LAMA2: variants seen among roughly 807,000 people sequenced by gnomAD.
The protein encoded by LAMA2 is laminin subunit alpha 2, also known as laminin subunit alpha-2.
LAMA2 carries 269 observed loss-of-function variants against 364.8 expected under a neutral mutation model. The observed-to-expected ratio is 0.74, with a 90% CI of 0.67 to 0.82. LAMA2 has a LOEUF of 0.82. Among genes scored for constraint, LAMA2 ranks in the 40% least tolerant of loss-of-function variants. The probability of loss-of-function intolerance (pLI) is 0.00; values close to 1 mark genes in which losing one functional copy is unlikely to be tolerated. For missense variants in LAMA2, 3,807 were observed against 3,873.2 expected, an observed-to-expected ratio of 0.98 and a Z score of 0.45; for synonymous variants, 1,379 against 1,370.6, an observed-to-expected ratio of 1.01 and a Z score of -0.14.
intron 4 of LAMA2, among the ~76,000 whole-genome samples, chr6:129,105,751 G>T (rs1371543157): frequency 2.0e-5 from 3 of 152,184 alleles, no homozygotes; most frequent in Non-Finnish European, 4.4e-5. Flanking sequence ...CTAGGTTATT[G>T]ATGGTCAAAG....
intron 4 of LAMA2, among the ~76,000 whole-genome samples, chr6:129,105,695 A>T (rs1319390265): frequency 6.6e-6 from 1 of 152,160 alleles, no homozygotes; most frequent in Non-Finnish European, 1.5e-5. Flanking sequence ...TGGTGGACTG[A>T]GTCTCTTGGC....
chr6:129,135,067 AC>A (rs1412557903), intron 4 of LAMA2, among the ~76,000 whole-genome samples: 5 of 152,106 alleles, frequency 3.3e-5, no homozygotes, highest in African/African-American at 1.2e-4. Context: ...TAAAAAGTCT[AC>A]CCCAGGAAGC....
At chr6:129,078,815 C>T (rs1773832955) in intron 3 of LAMA2, among the ~76,000 whole-genome samples, 1 of 152,156 alleles carries the variant, frequency 6.6e-6, no homozygotes, top group Non-Finnish European at 1.5e-5. Context: ...TCCCCCAGTC[C>T]CTGGCAAACA....
At chr6:129,463,999 C>T (rs1237828609) in intron 49 of LAMA2, among the ~76,000 whole-genome samples, 1 of 151,940 alleles carries the variant, frequency 6.6e-6, no homozygotes, top group Non-Finnish European at 1.5e-5. Flanking sequence ...ACCACTAAGA[C>T]ACCCTTAAGC....
At chr6:128,948,717 G>C (rs1231143748) in intron 1 of LAMA2, among the ~76,000 whole-genome samples, 1 of 152,124 alleles carries the variant, frequency 6.6e-6, no homozygotes, top group Non-Finnish European at 1.5e-5. Context: ...GGTGATAAGT[G>C]AGTTCTCCCT....
At chr6:129,087,366 G>C (rs1027979187) in intron 3 of LAMA2, among the ~76,000 whole-genome samples, 3 of 152,086 alleles carry the variant, frequency 2.0e-5, no homozygotes, top group African/African-American at 7.2e-5. Flanking sequence ...TATAACATTG[G>C]GACACACCTT....
intron 1 of LAMA2, among the ~76,000 whole-genome samples, chr6:129,043,719 TAGCAC>T (rs1257702049): frequency 6.8e-6 from 1 of 148,110 alleles, no homozygotes; most frequent in Non-Finnish European, 1.5e-5. Context: ...TCATGAATAA[TAGCAC>T]ATTGTAGAAA....
chr6:129,228,220 C>T (rs1042674297), intron 12 of LAMA2, among the ~76,000 whole-genome samples: 4 of 152,118 alleles, frequency 2.6e-5, no homozygotes, highest in Non-Finnish European at 4.4e-5. Context: ...TTTCCAGGTG[C>T]CGTCTGTCAC....
intron 30 of LAMA2, 32 bp from the exon 31 acceptor site, chr6:129,349,266 C>CT (rs777081108): frequency 1.3e-6 from 2 of 1,565,444 alleles, no homozygotes; most frequent in East Asian, 2.2e-5. Flanking sequence ...ATGGATTAAA[C>CT]TTTTTTTGCA....
At chr6:129,369,271 CT>C (rs771289738) in intron 33 of LAMA2, among the ~76,000 whole-genome samples, 1 of 152,084 alleles carries the variant, frequency 6.6e-6, no homozygotes, top group Non-Finnish European at 1.5e-5. Context: ...AGGGTAGTCT[CT>C]TTTTTTCTGT....
At chr6:129,500,639 T>C (rs1785558241) in intron 58 of LAMA2, among the ~76,000 whole-genome samples, 1 of 152,194 alleles carries the variant, frequency 6.6e-6, no homozygotes, top group Non-Finnish European at 1.5e-5. Flanking sequence ...TTTTCTAAAA[T>C]GGCTTGACCA....
intron 1 of LAMA2, among the ~76,000 whole-genome samples, chr6:128,890,788 T>C (rs906663366): frequency 6.6e-6 from 1 of 152,168 alleles, no homozygotes; most frequent in Non-Finnish European, 1.5e-5. Flanking sequence ...TATTATACTG[T>C]ATAATGAACC....
chr6:129,053,159 A>G (rs1582949643), intron 2 of LAMA2, among the ~76,000 whole-genome samples: 1 of 151,818 alleles, frequency 6.6e-6, no homozygotes, highest in South Asian at 2.1e-4. Context: ...GCTCACCGCA[A>G]CCTCCGCCTC....
At chr6:129,042,211 A>G (rs1352137476) in intron 1 of LAMA2, among the ~76,000 whole-genome samples, 1 of 152,020 alleles carries the variant, frequency 6.6e-6, no homozygotes, top group Non-Finnish European at 1.5e-5. Context: ...AGGCTGAGGC[A>G]GGAGAATCAC....
intron 17 of LAMA2, among the ~76,000 whole-genome samples, chr6:129,276,692 C>A (rs551035926): frequency 6.6e-6 from 1 of 152,186 alleles, no homozygotes; most frequent in South Asian, 2.1e-4. Context: ...CTGTGAAAAA[C>A]CTCAAAGCCA....
At chr6:128,942,207 G>A (rs111795710) in intron 1 of LAMA2, among the ~76,000 whole-genome samples, 99 of 151,684 alleles carry the variant, frequency 6.5e-4, no homozygotes, top group Non-Finnish European at 1.2e-3. Context: ...CCATCATCCT[G>A]TCTATTATAT....
chr6:129,189,813 G>A (rs1386253762), intron 10 of LAMA2, among the ~76,000 whole-genome samples: 2 of 152,058 alleles, frequency 1.3e-5, no homozygotes, highest in Non-Finnish European at 2.9e-5. Flanking sequence ...ATTAAATGAA[G>A]TACCTCAATA....
intron 22 of LAMA2, 65 bp downstream of exon 22, chr6:129,300,937 A>G (rs1252012702): frequency 1.4e-6 from 2 of 1,417,622 alleles, no homozygotes; most frequent in Non-Finnish European, 2.0e-6. Flanking sequence ...AGAGCTCTGT[A>G]ATTGGGCATT....
intron 33 of LAMA2, among the ~76,000 whole-genome samples, chr6:129,366,767 CAAG>C (rs759894638): frequency 2.6e-5 from 4 of 152,150 alleles, no homozygotes; most frequent in Non-Finnish European, 4.4e-5. Context: ...CTGCTTGCAA[CAAG>C]AATAGGATAT....
Sources: gnomAD v4.1 joint callset for allele counts (sites outside exome capture counted in the v4.1 genomes callset) on GRCh38, gnomAD v4.1.1 for gene constraint, MANE v1.5 for transcripts, NCBI Gene and HGNC (gene_info 2026-07-23, HGNC 2026-07-21) for gene names.